ZNF33B: variants seen among roughly 807,000 people sequenced by gnomAD.
The protein encoded by ZNF33B is zinc finger protein 33B.
ZNF33B carries 29 observed loss-of-function variants against 45.8 expected under a neutral mutation model. The observed-to-expected ratio is 0.63, with a 90% CI of 0.47 to 0.86. The LOEUF (loss-of-function observed/expected upper bound fraction) is 0.86, where lower values mean the gene tolerates loss of function less well. ZNF33B is among the 40% of genes least tolerant of loss of function. The pLI is 0.00. For synonymous variants in ZNF33B, 305 were observed against 307.8 expected (o/e 0.99, Z 0.10); for missense variants, 831 against 909.9 (o/e 0.91, Z 1.12).
intron 2 of ZNF33B, chr10:42,633,020 G>A (rs1188213123): frequency 5.6e-6 from 1 of 177,374 alleles, no homozygotes; most frequent in Non-Finnish European, 1.2e-5. Context: ...TAAAGTATTT[G>A]ATCATTTACC....
At chr10:42,587,243 A>C (rs2132021033), downstream of ZNF33B, among the ~76,000 whole-genome samples, 1 of 152,218 alleles carries the variant, frequency 6.6e-6, no homozygotes, top group South Asian at 2.1e-4. Context: ...TCTCTTGCCC[A>C]AGCTGGAGTG....
At chr10:42,606,546 T>C (rs565484985) in intron 4 of ZNF33B, among the ~76,000 whole-genome samples, 1 of 152,122 alleles carries the variant, frequency 6.6e-6, no homozygotes, top group Non-Finnish European at 1.5e-5. Flanking sequence ...CACAAACAAA[T>C]GAATTAAAGC....
Position 42,638,477 on chromosome 10 carries a change from ACT to A in ZNF33B, c.-50_-49del. On this transcript the variant is annotated 5_prime_UTR_variant, in exon 1 of 5. It introduces an in-frame stop codon into an upstream open reading frame of the 5' UTR. Transcript: ENST00000359467. ...TGCCCAACCCGCGGAGGCTTACCTC[ACT>A]CTCTCTTCGGGTTGCATTCGCCATA... The A allele has an allele frequency of 4.6e-6, 2 of 435,674 alleles. No homozygotes were observed. The highest frequency in any genetic ancestry group is 5.0e-5 in the Admixed American group (2 of 40,070). 27.0% of individuals were successfully genotyped at this position (435,674 alleles called of 1,614,324 possible).
Position 42,593,751 on chromosome 10 carries a change from A to G in ZNF33B, c.1199T>C (p.Leu400Pro). 6.2e-7 allele frequency: 1 copy of G among 1,613,900 alleles called. No homozygotes were observed. The highest frequency in any genetic ancestry group is 8.5e-7 in the Non-Finnish European group (1 of 1,179,922). ...TGTATGTGTTCTCTGGTGTAATGTG[A>G]GGGCTGACTTATGGCTAAAGGCTTT... ...CGKAFSHKSA[L>P]TLHQRTHTGE... is the part of the protein sequence containing the mutation. Residue 400 changes from leucine (L) to proline (P), a missense_variant, in exon 5 of 5, where the codon CTC (leucine) becomes CCC (proline). Transcript: ENST00000359467.
chr10:42,601,908 C>CTGT (rs1342153655), intron 4 of ZNF33B, among the ~76,000 whole-genome samples: 1 of 75,366 alleles, frequency 1.3e-5, no homozygotes, highest in African/African-American at 5.2e-5. Context: ...ATGTGATATT[C>CTGT]TTTTTTTTTT....
intron 4 of ZNF33B, among the ~76,000 whole-genome samples, chr10:42,602,151 T>G (rs1453945828): frequency 1.3e-5 from 2 of 152,074 alleles, no homozygotes; most frequent in African/African-American, 4.8e-5. Context: ...GGTCTCGAAC[T>G]CCTGAGCTCA....
intron 1 of ZNF33B, chr10:42,583,134 G>C (rs760645062): frequency 1.3e-6 from 1 of 782,128 alleles, no homozygotes; most frequent in East Asian, 2.5e-5. Context: ...CTGGGAGGGA[G>C]TAAGCATGGT....
At chr10:42,626,544 C>T (rs1437019120) in intron 4 of ZNF33B, among the ~76,000 whole-genome samples, 2 of 151,954 alleles carry the variant, frequency 1.3e-5, no homozygotes, top group African/African-American at 2.4e-5. Context: ...AAAAATTAGC[C>T]GAGCATGGTC....
At chr10:42,625,219 C>T (rs1838753418) in intron 4 of ZNF33B, among the ~76,000 whole-genome samples, 1 of 151,970 alleles carries the variant, frequency 6.6e-6, no homozygotes, top group African/African-American at 2.4e-5. Flanking sequence ...CAAGAGACCA[C>T]GTATCTTCAT....
rs868517828 is a variant in ZNF33B at position 42,592,635 on chromosome 10, A to T, written c.2315T>A (p.Ile772Lys). 1 of 1,613,296 alleles carries T rather than the reference A, an allele frequency of 6.2e-7. No homozygotes were observed. The highest frequency in any genetic ancestry group is 1.3e-5 in the African/African-American group (1 of 74,862). ...SNLIVHQRTH[I>K]GEKPYE ...AATTCATTCATAAGGTTTTTCTCCT[A>T]TGTGTGTTCTCTGATGTACAATGAG... Residue 772 changes from isoleucine (I) to lysine (K), a missense_variant, in exon 5 of 5, where the codon ATA becomes AAA. By Grantham distance (102) the Ile-to-Lys change is moderately radical. Transcript: ENST00000359467.
chr10:42,585,600 AAT>A (rs1836917678), downstream of ZNF33B, among the ~76,000 whole-genome samples: 1 of 152,232 alleles, frequency 6.6e-6, no homozygotes, highest in Non-Finnish European at 1.5e-5. Flanking sequence ...ACTGATAATG[AAT>A]AGTGTTCACA....
chr10:42,599,157 GA>G (rs1303819141), intron 4 of ZNF33B, among the ~76,000 whole-genome samples: 1 of 151,998 alleles, frequency 6.6e-6, no homozygotes, highest in Admixed American at 6.6e-5. Flanking sequence ...AATATCTATA[GA>G]ATCTTCAGTG....
chr10:42,586,421 T>C (rs1291925487), downstream of ZNF33B, among the ~76,000 whole-genome samples: 1 of 151,238 alleles, frequency 6.6e-6, no homozygotes, highest in Non-Finnish European at 1.5e-5. Flanking sequence ...AGTGCTGGGA[T>C]TACAGGCATG....
intron 4 of ZNF33B, 96 bp from the exon 5 acceptor site, chr10:42,594,795 T>C: frequency 7.4e-7 from 1 of 1,354,580 alleles, no homozygotes; most frequent in Non-Finnish European, 9.7e-7. Flanking sequence ...TAGCTGACTC[T>C]GGTTTTTTGG....
intron 4 of ZNF33B, among the ~76,000 whole-genome samples, chr10:42,623,427 G>T (rs1838675718): frequency 6.6e-6 from 1 of 152,214 alleles, no homozygotes; most frequent in African/African-American, 2.4e-5. Context: ...AGTGTTCACT[G>T]AAGCATTATT....
intron 4 of ZNF33B, among the ~76,000 whole-genome samples, chr10:42,609,726 G>C (rs916257648): frequency 2.0e-5 from 3 of 151,932 alleles, no homozygotes; most frequent in East Asian, 1.9e-4. Flanking sequence ...ATGATCAAAG[G>C]GGATTTATAC....
chr10:42,585,089 A>G (rs1272607357), downstream of ZNF33B, among the ~76,000 whole-genome samples: 1 of 152,220 alleles, frequency 6.6e-6, no homozygotes, highest in Non-Finnish European at 1.5e-5. Flanking sequence ...TCCTGGGACA[A>G]GACTAATGCA....
chr10:42,620,924 A>T (rs1838550855), intron 4 of ZNF33B, among the ~76,000 whole-genome samples: 1 of 152,206 alleles, frequency 6.6e-6, no homozygotes. Flanking sequence ...GGGTCGTTCC[A>T]TCAATAAGAT....
chr10:42,618,639 T>A (rs1412410357), intron 4 of ZNF33B, among the ~76,000 whole-genome samples: 1 of 152,214 alleles, frequency 6.6e-6, no homozygotes, highest in Admixed American at 6.5e-5. Context: ...GATAAAAACA[T>A]CTTTCATTAT....
Sources: allele counts gnomAD v4.1 joint callset (sites outside exome capture counted in the v4.1 genomes callset), GRCh38; gene constraint gnomAD v4.1.1; transcripts MANE v1.5; gene names NCBI Gene and HGNC (gene_info 2026-07-23, HGNC 2026-07-21).